The following KAZN variants were observed in gnomAD, a reference collection of about 807,000 sequenced individuals.
KAZN encodes the protein kazrin, periplakin interacting protein.
A neutral mutation model predicts 87.4 loss-of-function variants in KAZN; 40 were observed. The ratio of observed to expected loss-of-function variants is 0.46; its 90% CI spans 0.36 to 0.60. The LOEUF is 0.60. Among genes scored for constraint, KAZN ranks in the 20% least tolerant of loss-of-function variants. The pLI is 0.00. For missense variants in KAZN, 898 were observed against 1,073.9 expected (o/e 0.84, Z 2.29); for synonymous variants, 466 against 458.3 (o/e 1.02, Z -0.22).
intron 2 of KAZN, among the ~76,000 whole-genome samples, chr1:14,246,224 CGGGCTTA>C (rs1557590411): frequency 9.2e-5 from 14 of 152,026 alleles, no homozygotes; most frequent in African/African-American, 3.4e-4. Flanking sequence ...TAATGCATGC[CGGGCTTA>C]ATACCTGGGT....
At chr1:14,447,530 C>T (rs979550490) in intron 2 of KAZN, among the ~76,000 whole-genome samples, 2 of 152,138 alleles carry the variant, frequency 1.3e-5, no homozygotes, top group Admixed American at 6.5e-5. Context: ...TGAGCCACCG[C>T]GCCCAGCCCT....
rs777747418 is a variant in KAZN at position 14,599,111 on chromosome 1, G to T, written c.114G>T (p.Ala38=). The part of the protein sequence containing the change: ...AELTATNRRL[A]ELSGGGGPGP... ...TCACGGCCACCAACCGGAGACTGGC[G>T]GAACTGAGCGGCGGCGGCGGCCCCG... The change falls in exon 1 of 15, where the codon GCG becomes GCT. Residue 38 remains alanine, a synonymous_variant. Coordinates refer to ENST00000376030, the MANE Select transcript of KAZN (RefSeq NM_201628.3). The surrounding 1 kb of genome is among the most constrained non-coding windows in gnomAD (Gnocchi z 4.4). 2.6e-6 allele frequency: 4 copies of T among 1,545,032 alleles called. No individual in the cohort carries two copies. Among genetic ancestry groups the T allele is most frequent in the Non-Finnish European group, 3.5e-6 (4 of 1,149,802 alleles).
intron 2 of KAZN, among the ~76,000 whole-genome samples, chr1:14,442,492 A>G (rs1006377773): frequency 2.0e-5 from 3 of 152,186 alleles, no homozygotes; most frequent in African/African-American, 7.2e-5. Flanking sequence ...CTAACCGTCT[A>G]TAGCTGTTGC....
chr1:13,981,378 A>T (rs138472698), intron 1 of KAZN, among the ~76,000 whole-genome samples: 1 of 151,194 alleles, frequency 6.6e-6, no homozygotes, highest in South Asian at 2.1e-4. Flanking sequence ...TAACATATTG[A>T]TATTTTAATA....
intron 2 of KAZN, among the ~76,000 whole-genome samples, chr1:15,008,140 G>A (rs548601425): frequency 6.2e-4 from 94 of 152,320 alleles, no homozygotes; most frequent in African/African-American, 2.2e-3. Flanking sequence ...TGCTCCCCCT[G>A]GAAGCTCAGC....
intron 2 of KAZN, among the ~76,000 whole-genome samples, chr1:14,197,010 G>A (rs982384434): frequency 1.3e-5 from 2 of 152,048 alleles, no homozygotes; most frequent in Non-Finnish European, 2.9e-5. Context: ...GATGTTCATT[G>A]ATCACTGGAG....
chr1:14,897,834 G>C (rs1655431458), intron 1 of KAZN, among the ~76,000 whole-genome samples: 1 of 152,108 alleles, frequency 6.6e-6, no homozygotes, highest in Non-Finnish European at 1.5e-5. Flanking sequence ...CTCCTGAAAG[G>C]CTCTCAGGAC....
At chr1:13,904,750 A>G (rs1356575196) in intron 1 of KAZN, among the ~76,000 whole-genome samples, 2 of 151,802 alleles carry the variant, frequency 1.3e-5, no homozygotes, top group African/African-American at 2.4e-5. Context: ...GTCTAATTTT[A>G]TTTATCCTAT....
intron 1 of KAZN, among the ~76,000 whole-genome samples, chr1:14,871,668 G>GTGTGTGTGTGTA (rs1237323026): frequency 4.7e-4 from 71 of 151,916 alleles, no homozygotes; most frequent in African/African-American, 1.7e-3. Context: ...GTGTGTGTGT[G>GTGTGTGTGTGTA]TGTGTGTGTG....
chr1:14,181,323 TG>T (rs1646193358), intron 2 of KAZN, among the ~76,000 whole-genome samples: 1 of 152,226 alleles, frequency 6.6e-6, no homozygotes, highest in African/African-American at 2.4e-5. Context: ...GTGATTTTTG[TG>T]TTCATTTGCC....
chr1:14,882,832 C>A (rs893989574), intron 1 of KAZN, among the ~76,000 whole-genome samples: 5 of 152,112 alleles, frequency 3.3e-5, no homozygotes, highest in African/African-American at 1.2e-4. Flanking sequence ...CTCATAATAA[C>A]CCCTGTAAAG....
chr1:15,070,703 T>C (rs1212855793), intron 8 of KAZN, among the ~76,000 whole-genome samples: 1 of 152,214 alleles, frequency 6.6e-6, no homozygotes, highest in Non-Finnish European at 1.5e-5. Context: ...TAGCCAAGTG[T>C]GGTGGCACAC....
intron 2 of KAZN, among the ~76,000 whole-genome samples, chr1:14,370,545 G>A (rs1461566774): frequency 6.6e-6 from 1 of 152,200 alleles, no homozygotes; most frequent in Non-Finnish European, 1.5e-5. Context: ...CTCCTGGGGG[G>A]TATAGACACG....
intron 2 of KAZN, among the ~76,000 whole-genome samples, chr1:14,391,740 G>C (rs554851744): frequency 6.6e-6 from 1 of 152,316 alleles, no homozygotes; most frequent in Admixed American, 6.5e-5. Flanking sequence ...GGGCCTTGAC[G>C]TCTCAGTAAG....
intron 2 of KAZN, among the ~76,000 whole-genome samples, chr1:14,250,481 A>G (rs991931877): frequency 6.6e-6 from 1 of 152,166 alleles, no homozygotes; most frequent in Admixed American, 6.5e-5. Flanking sequence ...CTTGCTTTTT[A>G]CATGATAGAT....
chr1:14,291,329 G>A (rs548329269), intron 2 of KAZN, among the ~76,000 whole-genome samples: 30 of 152,270 alleles, frequency 2.0e-4, no homozygotes, highest in Non-Finnish European at 2.5e-4. Flanking sequence ...CTGAGCTCCC[G>A]TGGCCTCCAT....
At chr1:14,639,233 G>A (rs552931962) in intron 1 of KAZN, among the ~76,000 whole-genome samples, 2 of 152,234 alleles carry the variant, frequency 1.3e-5, no homozygotes, top group South Asian at 4.2e-4. Context: ...GAGTGAGAAG[G>A]GGAGACCTCC....
chr1:14,141,668 G>T lies in KAZN; in HGVS notation c.92-38767G>T, dbSNP rs982542934. Among the ~76,000 whole-genome samples, 10 of 152,072 alleles carry T rather than the reference G, an allele frequency of 6.6e-5. No individual in the cohort carries two copies. In the East Asian group the frequency reaches 1.3e-3, roughly 21 times the overall value. On this transcript the variant is annotated intron_variant, in intron 1 of 16. Coordinates refer to the KAZN transcript ENST00000636203. ...ATAATTTGAGACCCTGTGGGGTCGG[G>T]TACCTGCCTGGACGATAAGTAGTTT...
chr1:14,026,268 A>G (rs112698800), intron 1 of KAZN, among the ~76,000 whole-genome samples: 15 of 152,334 alleles, frequency 9.8e-5, no homozygotes, highest in African/African-American at 3.6e-4. Flanking sequence ...AGGGCTGGCA[A>G]CAGTGAGTGG....
Sources: allele counts gnomAD v4.1 joint callset (sites outside exome capture counted in the v4.1 genomes callset), GRCh38; gene constraint gnomAD v4.1.1; non-coding constraint Gnocchi (gnomAD v3.1); transcripts MANE v1.5; gene names NCBI Gene and HGNC (gene_info 2026-07-23, HGNC 2026-07-21).